RBFOX1: variants seen among roughly 807,000 people sequenced by gnomAD.
The protein encoded by RBFOX1 is RNA binding fox-1 homolog 1, also known as RNA binding protein fox-1 homolog 1.
Under a neutral mutation model 57.7 loss-of-function variants are expected in RBFOX1, and 8 were observed. The observed-to-expected ratio is 0.14, with a 90% CI of 0.08 to 0.25. RBFOX1 has a LOEUF of 0.25. Among genes scored for constraint, RBFOX1 ranks in the 10% least tolerant of loss-of-function variants. RBFOX1 has a pLI of 1.00. For missense variants in RBFOX1, 611 were observed against 548.5 expected, an observed-to-expected ratio of 1.11 and a Z score of -1.14; for synonymous variants, 326 against 222.4, an observed-to-expected ratio of 1.47 and a Z score of -4.15.
intron 2 of RBFOX1, among the ~76,000 whole-genome samples, chr16:6,502,762 A>T (rs2095975428): frequency 6.6e-6 from 1 of 152,108 alleles, no homozygotes. Context: ...CCGATGGATC[A>T]TGATTATCAG....
At chr16:7,607,602 A>G (rs2056589824) in intron 10 of RBFOX1, among the ~76,000 whole-genome samples, 1 of 152,208 alleles carries the variant, frequency 6.6e-6, no homozygotes, top group Non-Finnish European at 1.5e-5. Flanking sequence ...TAAAAAAAGC[A>G]TTGTGACTTT....
intron 3 of RBFOX1, among the ~76,000 whole-genome samples, chr16:6,807,552 T>C (rs1203963058): frequency 6.6e-6 from 1 of 152,098 alleles, no homozygotes; most frequent in Non-Finnish European, 1.5e-5. Flanking sequence ...GTGTGGTGGC[T>C]CACACCTGTA....
chr16:6,547,445 C>T (rs1002162851), intron 2 of RBFOX1, among the ~76,000 whole-genome samples: 2 of 152,142 alleles, frequency 1.3e-5, no homozygotes, highest in African/African-American at 4.8e-5. Context: ...CGAATGGTGC[C>T]ATCTTCCATA....
intron 3 of RBFOX1, among the ~76,000 whole-genome samples, chr16:5,624,559 C>A (rs1224583700): frequency 6.6e-6 from 1 of 152,210 alleles, no homozygotes; most frequent in Non-Finnish European, 1.5e-5. Context: ...CCCTGAGTTC[C>A]TGGGATTTCT....
intron 3 of RBFOX1, among the ~76,000 whole-genome samples, chr16:5,684,030 C>G (rs2050427462): frequency 1.3e-5 from 2 of 151,876 alleles, no homozygotes; most frequent in African/African-American, 4.8e-5. Context: ...GCATTATTAG[C>G]TTTTAAAAAG....
chr16:7,186,991 C>T (rs549221481), intron 4 of RBFOX1, among the ~76,000 whole-genome samples: 55 of 100,050 alleles, frequency 5.5e-4, no homozygotes, highest in Non-Finnish European at 9.0e-4. Context: ...AACCCCACCT[C>T]CACAAAAAAA....
At chr16:6,077,376 A>G (rs1246261134) in intron 1 of RBFOX1, among the ~76,000 whole-genome samples, 5 of 152,216 alleles carry the variant, frequency 3.3e-5, no homozygotes, top group Non-Finnish European at 7.3e-5. Flanking sequence ...CTATATGACT[A>G]TTGAAAGGCA....
At chr16:6,332,860 T>G (rs1031247466) in intron 2 of RBFOX1, among the ~76,000 whole-genome samples, 6 of 152,212 alleles carry the variant, frequency 3.9e-5, no homozygotes, top group Non-Finnish European at 4.4e-5. Flanking sequence ...GAATCCTTCA[T>G]TGATGATGCC....
chr16:7,537,991 G>A (rs2081957715), intron 5 of RBFOX1, among the ~76,000 whole-genome samples: 1 of 152,214 alleles, frequency 6.6e-6, no homozygotes, highest in African/African-American at 2.4e-5. Flanking sequence ...CTGTGTGCCA[G>A]GTTCTTACTG....
At chr16:7,468,814 G>C (rs547623614) in intron 4 of RBFOX1, among the ~76,000 whole-genome samples, 45 of 152,250 alleles carry the variant, frequency 3.0e-4, no homozygotes, top group African/African-American at 1.0e-3. Flanking sequence ...TTTCTTTTGG[G>C]TGGATGCCAC....
chr16:6,020,100 T>G (rs2095038138), intron 1 of RBFOX1, 108 bp downstream of exon 1: 1 of 1,239,912 alleles, frequency 8.1e-7, no homozygotes, highest in Non-Finnish European at 1.0e-6. Flanking sequence ...GGCCTCCTCC[T>G]AGCGCCAGTC....
intron 3 of RBFOX1, among the ~76,000 whole-genome samples, chr16:6,979,502 G>A (rs535778459): frequency 1.3e-5 from 2 of 152,308 alleles, no homozygotes; most frequent in African/African-American, 4.8e-5. Context: ...TTGAAGGGCT[G>A]TATGTTGTAG....
chr16:6,450,853 A>G (rs1313763961), intron 2 of RBFOX1, among the ~76,000 whole-genome samples: 6 of 67,120 alleles, frequency 8.9e-5, no homozygotes, highest in South Asian at 3.7e-4. Flanking sequence ...ATATATATAT[A>G]TATATATATA....
intron 4 of RBFOX1, among the ~76,000 whole-genome samples, chr16:5,892,792 G>C (rs2058076874): frequency 6.6e-6 from 1 of 152,214 alleles, no homozygotes; most frequent in Non-Finnish European, 1.5e-5. Flanking sequence ...AGGCCAAGTA[G>C]TAAGAGAGCA....
chr16:6,515,587 G>A (rs1598654024), intron 2 of RBFOX1, among the ~76,000 whole-genome samples: 5 of 152,104 alleles, frequency 3.3e-5, no homozygotes, highest in African/African-American at 7.2e-5. Flanking sequence ...TTTTTCTAAA[G>A]AAGCCTTTTT....
At chr16:6,862,472 A>G (rs535077763) in intron 3 of RBFOX1, among the ~76,000 whole-genome samples, 9 of 152,330 alleles carry the variant, frequency 5.9e-5, no homozygotes, top group African/African-American at 1.9e-4. Flanking sequence ...GCAATATTAC[A>G]GTTACCTAGG....
chr16:6,854,389 C>G (rs1261647171), intron 3 of RBFOX1, among the ~76,000 whole-genome samples: 2 of 151,898 alleles, frequency 1.3e-5, no homozygotes, highest in African/African-American at 2.4e-5. Flanking sequence ...AAAAGCTTAT[C>G]TAAGGAATAT....
At chr16:6,801,084 C>A (rs144031008) in intron 3 of RBFOX1, among the ~76,000 whole-genome samples, 5 of 151,408 alleles carry the variant, frequency 3.3e-5, no homozygotes, top group East Asian at 2.0e-4. Flanking sequence ...GTTAAAAGTG[C>A]GGATTGCCAT....
intron 3 of RBFOX1, among the ~76,000 whole-genome samples, chr16:6,930,478 C>G (rs569991319): frequency 4.6e-5 from 7 of 151,572 alleles, no homozygotes; most frequent in African/African-American, 1.7e-4. Flanking sequence ...GGTGTGATCT[C>G]GGCTCACTAC....
Sources: gnomAD v4.1 joint callset for allele counts (sites outside exome capture counted in the v4.1 genomes callset) on GRCh38, gnomAD v4.1.1 for gene constraint, MANE v1.5 for transcripts, NCBI Gene and HGNC (gene_info 2026-07-23, HGNC 2026-07-21) for gene names.